ERBIN: variants seen among roughly 807,000 people sequenced by gnomAD.
ERBIN encodes erbb2 interacting protein.
Under a neutral mutation model 158.4 loss-of-function variants are expected in ERBIN, and 60 were observed. That is an observed-to-expected ratio of 0.38 (90% CI 0.31 to 0.47). The LOEUF is 0.47. Among genes scored for constraint, ERBIN ranks in the 20% least tolerant of loss-of-function variants. ERBIN has a pLI of 0.99. For synonymous variants in ERBIN, 594 were observed against 557.2 expected, an observed-to-expected ratio of 1.07 and a Z score of -0.93; for missense variants, 1,610 against 1,648.0, an observed-to-expected ratio of 0.98 and a Z score of 0.40.
intron 4 of ERBIN, among the ~76,000 whole-genome samples, chr5:66,001,279 T>G (rs1004178264): frequency 6.6e-6 from 1 of 152,134 alleles, no homozygotes; most frequent in Non-Finnish European, 1.5e-5. Context: ...AGTCTAATAT[T>G]TAAGTTTATC....
At chr5:66,040,400 G>T (rs1757808902) in intron 15 of ERBIN, among the ~76,000 whole-genome samples, 1 of 151,634 alleles carries the variant, frequency 6.6e-6, no homozygotes, top group Non-Finnish European at 1.5e-5. Flanking sequence ...CACAATTCAG[G>T]TAAAACATTT....
At chr5:66,002,005 C>T (rs1386828878) in intron 4 of ERBIN, among the ~76,000 whole-genome samples, 2 of 152,048 alleles carry the variant, frequency 1.3e-5, no homozygotes, top group Admixed American at 1.3e-4. Context: ...TGATGTTCCC[C>T]TCCCTGCGTC....
intron 8 of ERBIN, among the ~76,000 whole-genome samples, chr5:66,022,624 C>T (rs1033357585): frequency 6.6e-6 from 1 of 152,160 alleles, no homozygotes; most frequent in Non-Finnish European, 1.5e-5. Context: ...CTTGAAGGGA[C>T]AATGCCCAGG....
At chr5:65,976,735 CTT>C (rs900203533) in intron 1 of ERBIN, among the ~76,000 whole-genome samples, 4 of 151,762 alleles carry the variant, frequency 2.6e-5, no homozygotes, top group East Asian at 3.9e-4. Context: ...AGCATGCTGC[CTT>C]CAAGCATCTG....
rs1759286482 is a variant in ERBIN at position 66,053,733 on chromosome 5, G to A, written c.2415G>A (p.Glu805=). ...FLSINSKEET[E]HLENGNKYPN... is the part of the protein sequence containing the mutation. ...GCATTAATTCTAAAGAGGAAACTGA[G>A]CACTTGGAAAATGGAAACAAGTATC... Residue 805 remains glutamate, a synonymous_variant, in exon 21 of 26, where the codon GAG becomes GAA. Coordinates refer to ENST00000284037, the MANE Select transcript of ERBIN (RefSeq NM_001253697.2). 1 of 1,613,758 alleles carries A rather than the reference G, an allele frequency of 6.2e-7. No homozygotes were observed. Among genetic ancestry groups the A allele is most frequent in the Admixed American group, 1.7e-5 (1 of 59,994 alleles).
At chr5:65,946,327 GCACTC>G (rs2150905010) in intron 1 of ERBIN, among the ~76,000 whole-genome samples, 1 of 152,224 alleles carries the variant, frequency 6.6e-6, no homozygotes, top group African/African-American at 2.4e-5. Flanking sequence ...TTACACCACT[GCACTC>G]CAGCCTGGGT....
chr5:66,016,885 G>C (rs1754799567), intron 7 of ERBIN, among the ~76,000 whole-genome samples: 1 of 152,040 alleles, frequency 6.6e-6, no homozygotes, highest in South Asian at 2.1e-4. Context: ...AGAGTGCTGG[G>C]ATTACAGGCG....
At chr5:66,003,885 A>G (rs1753258241) in intron 4 of ERBIN, among the ~76,000 whole-genome samples, 3 of 141,350 alleles carry the variant, frequency 2.1e-5, no homozygotes, top group South Asian at 4.6e-4. Flanking sequence ...GTTTTGTGAT[A>G]TCTAATCTAG....
intron 10 of ERBIN, among the ~76,000 whole-genome samples, chr5:66,024,682 TA>T (rs1403856556): frequency 6.6e-6 from 1 of 152,180 alleles, no homozygotes; most frequent in Admixed American, 6.5e-5. Flanking sequence ...TTAAATTCTT[TA>T]AAATAAGTTA....
chr5:65,986,904 A>C (rs765291517), intron 1 of ERBIN, among the ~76,000 whole-genome samples: 6 of 152,126 alleles, frequency 3.9e-5, no homozygotes, highest in Non-Finnish European at 8.8e-5. Context: ...TTGAAACCCC[A>C]GCTTGTTTTG....
intron 7 of ERBIN, among the ~76,000 whole-genome samples, chr5:66,019,177 G>T (rs1755419728): frequency 6.6e-6 from 1 of 152,056 alleles, no homozygotes; most frequent in Admixed American, 6.6e-5. Context: ...CAATTTGGAT[G>T]CTCTTTATTT....
At position 66,076,346 on chromosome 5, in the gene ERBIN, C is replaced by T. The variant is rs768090890; in HGVS notation, c.3994C>T (p.Leu1332Phe). The T allele has an allele frequency of 1.2e-5, 20 of 1,613,382 alleles. No homozygotes were observed. Among genetic ancestry groups the T allele is most frequent in the Non-Finnish European group, 1.5e-5 (18 of 1,179,808 alleles). The change falls in exon 24 of 26, where the codon CTT (leucine) becomes TTT (phenylalanine). Residue 1332 changes from leucine to phenylalanine, a missense_variant. By Grantham distance (22) the Leu-to-Phe change is conservative. Around this residue, in one of 2 missense-constraint regions of ERBIN, gnomAD observed 1,014 missense variants for 936.1 expected, o/e 1.08. Transcript: ENST00000284037. ...AGTGAGGGTTGAAAAGGATCCAGAA[C>T]TTGGATTTAGCATATCAGGTGGTGT... Reference protein sequence around the residue: ...IRVRVEKDPELGFSISGGVGG... With the variant: ...IRVRVEKDPEFGFSISGGVGG...
At chr5:66,022,454 C>T (rs1252730246) in intron 8 of ERBIN, among the ~76,000 whole-genome samples, 1 of 152,160 alleles carries the variant, frequency 6.6e-6, no homozygotes, top group South Asian at 2.1e-4. Context: ...ATCTGGGATT[C>T]TTATCTATAT....
intron 22 of ERBIN, among the ~76,000 whole-genome samples, chr5:66,073,531 TTAAC>T (rs1440468830): frequency 6.6e-6 from 1 of 152,286 alleles, no homozygotes; most frequent in Non-Finnish European, 1.5e-5. Context: ...ACTTCAGAAT[TTAAC>T]TAAGTTCTCA....
chr5:65,995,226 T>C (rs1752293565), intron 4 of ERBIN, among the ~76,000 whole-genome samples: 1 of 152,206 alleles, frequency 6.6e-6, no homozygotes, highest in African/African-American at 2.4e-5. Flanking sequence ...CTTGTGCTTA[T>C]TTCTCCTGTC....
At position 66,044,184 on chromosome 5, in the gene ERBIN, G is replaced by A. The variant is rs767491646; in HGVS notation, c.1476G>A (p.Lys492=). The change falls in exon 17 of 26, where the codon AAG becomes AAA. Residue 492 remains lysine (K), a synonymous_variant. Coordinates refer to ENST00000284037, the MANE Select transcript of ERBIN (RefSeq NM_001253697.2). ...CAACACCATACCCAGATGAGCTTAAGAATATGGTCAAAACTGTTCAAACCA... is the reference window on the plus strand; with the variant it reads ...CAACACCATACCCAGATGAGCTTAAAAATATGGTCAAAACTGTTCAAACCA... The part of the protein sequence containing the change: ...RYPTPYPDEL[K]NMVKTVQTIV... 2.0e-5 allele frequency: 32 copies of A among 1,599,628 alleles called. No individual in the cohort carries two copies. Among genetic ancestry groups the A allele is most frequent in the Non-Finnish European group, 2.7e-5 (32 of 1,175,070 alleles).
chr5:65,953,533 C>T (rs1008771079), intron 1 of ERBIN, among the ~76,000 whole-genome samples: 2 of 152,090 alleles, frequency 1.3e-5, no homozygotes, highest in Middle Eastern at 3.2e-3. Flanking sequence ...ATTTCTGTTT[C>T]CTGAAAACTA....
chr5:66,065,308 G>A (rs915211228), intron 21 of ERBIN, among the ~76,000 whole-genome samples: 13 of 152,106 alleles, frequency 8.5e-5, no homozygotes, highest in African/African-American at 2.7e-4. Context: ...AAGATTGCTA[G>A]ACATACTTAT....
intron 13 of ERBIN, among the ~76,000 whole-genome samples, chr5:66,027,919 C>T (rs1756448785): frequency 6.6e-6 from 1 of 151,998 alleles, no homozygotes. Flanking sequence ...TTTGTTCTCC[C>T]TAAGTACAAA....
Sources: gnomAD v4.1 joint callset for allele counts (sites outside exome capture counted in the v4.1 genomes callset) on GRCh38, gnomAD v4.1.1 for gene constraint, gnomAD v4.1.1 regional missense constraint, MANE v1.5 for transcripts, NCBI Gene and HGNC (gene_info 2026-07-23, HGNC 2026-07-21) for gene names.